Variants in PPFIBP1 observed in about 807,000 individuals in gnomAD.
PPFIBP1 encodes the protein PPFIB scaffold protein 1, also known as liprin-beta-1.
In PPFIBP1, 112 loss-of-function variants were observed where a neutral mutation model predicts 137.8. The ratio of observed to expected loss-of-function variants is 0.81; its 90% CI spans 0.70 to 0.95. PPFIBP1 has a LOEUF of 0.95. PPFIBP1 is among the 40% of genes least tolerant of loss of function. The pLI is 0.00. For missense variants in PPFIBP1, 1,083 were observed against 1,196.6 expected, an observed-to-expected ratio of 0.91 and a Z score of 1.40; for synonymous variants, 378 against 417.3, an observed-to-expected ratio of 0.91 and a Z score of 1.15.
intron 9 of PPFIBP1, chr12:27,656,962 A>G (rs1050933832): frequency 2.8e-5 from 11 of 392,854 alleles, no homozygotes; most frequent in Non-Finnish European, 4.2e-5. Flanking sequence ...TTTGGTGTTT[A>G]AGATTGCTAG....
chr12:27,549,648 A>T (rs1244671758), intron 1 of PPFIBP1, among the ~76,000 whole-genome samples: 1 of 151,850 alleles, frequency 6.6e-6, no homozygotes, highest in Admixed American at 6.6e-5. Flanking sequence ...GCCTGGAGAT[A>T]TGGGAAATAA....
chr12:27,681,322 C>T (rs541711805), intron 21 of PPFIBP1, among the ~76,000 whole-genome samples: 2 of 152,276 alleles, frequency 1.3e-5, no homozygotes, highest in South Asian at 4.1e-4. Context: ...TGCTCTATCA[C>T]GTTAAATCTT....
chr12:27,537,289 G>A (rs1370365082), intron 1 of PPFIBP1, among the ~76,000 whole-genome samples: 1 of 152,062 alleles, frequency 6.6e-6, no homozygotes, highest in Non-Finnish European at 1.5e-5. Context: ...CTGCCACCAC[G>A]TCCAGCTAAT....
chr12:27,537,457 T>A (rs1945163588), intron 1 of PPFIBP1, among the ~76,000 whole-genome samples: 1 of 152,092 alleles, frequency 6.6e-6, no homozygotes, highest in Non-Finnish European at 1.5e-5. Flanking sequence ...TGCACCTTAC[T>A]GCCAGACAAA....
At chr12:27,568,320 C>T (rs1234879802) in intron 1 of PPFIBP1, among the ~76,000 whole-genome samples, 1 of 152,178 alleles carries the variant, frequency 6.6e-6, no homozygotes, top group African/African-American at 2.4e-5. Context: ...TCAAAAAGTA[C>T]TGCTGTATTC....
intron 2 of PPFIBP1, chr12:27,593,602 C>G (rs1326312318): frequency 2.4e-6 from 1 of 420,508 alleles, no homozygotes; most frequent in East Asian, 5.7e-5. Flanking sequence ...TCTTCATTGT[C>G]TTTCAGATTT....
intron 1 of PPFIBP1, among the ~76,000 whole-genome samples, chr12:27,554,824 C>A (rs137939816): frequency 9.2e-5 from 14 of 152,052 alleles, no homozygotes; most frequent in South Asian, 8.3e-4. Flanking sequence ...TTGGAATGTT[C>A]CCAGTGTTGG....
intron 2 of PPFIBP1, among the ~76,000 whole-genome samples, chr12:27,607,170 C>T (rs577305428): frequency 6.6e-6 from 1 of 152,310 alleles, no homozygotes; most frequent in South Asian, 2.1e-4. Context: ...AAACAAAAGG[C>T]AATTTCTTTG....
intron 13 of PPFIBP1, among the ~76,000 whole-genome samples, chr12:27,670,277 A>G (rs2162030): frequency 1 from 152,133 of 152,360 alleles, 75,954 homozygotes; most frequent in Middle Eastern, 1. Context: ...GAGAAAATGT[A>G]TTATGCATTT....
chr12:27,644,125 G>C (rs549263859), intron 4 of PPFIBP1, among the ~76,000 whole-genome samples: 1 of 152,188 alleles, frequency 6.6e-6, no homozygotes, highest in South Asian at 2.1e-4. Context: ...TGCCCAGCCT[G>C]GAGTGCAGTG....
chr12:27,650,218 A>G (rs1468101658), intron 7 of PPFIBP1, 77 bp downstream of exon 7: 8 of 1,300,140 alleles, frequency 6.2e-6, no homozygotes, highest in Non-Finnish European at 8.3e-6. Context: ...ATACATTCCT[A>G]GGGCAAAGTT....
intron 15 of PPFIBP1, 68 bp from the exon 16 acceptor site, chr12:27,673,699 A>G: frequency 1.5e-6 from 2 of 1,366,960 alleles, no homozygotes; most frequent in African/African-American, 2.9e-5. Flanking sequence ...TTTCTTTCCA[A>G]GATGTTTTAC....
At chr12:27,642,630 GA>G (rs2058193726) in intron 4 of PPFIBP1, among the ~76,000 whole-genome samples, 1 of 152,176 alleles carries the variant, frequency 6.6e-6, no homozygotes, top group South Asian at 2.1e-4. Flanking sequence ...CGTAGATGGG[GA>G]AAGGAGAATG....
chr12:27,615,263 G>T (rs2055618109), intron 2 of PPFIBP1, among the ~76,000 whole-genome samples: 1 of 152,166 alleles, frequency 6.6e-6, no homozygotes, highest in African/African-American at 2.4e-5. Flanking sequence ...GTTTTCAGTA[G>T]GATGTTAAGA....
intron 2 of PPFIBP1, among the ~76,000 whole-genome samples, chr12:27,583,215 C>T (rs995623812): frequency 2.6e-5 from 4 of 152,150 alleles, no homozygotes; most frequent in Admixed American, 1.3e-4. Flanking sequence ...ACTTGGATGA[C>T]GGCTTTGTTC....
chr12:27,550,511 C>T (rs946052027), intron 1 of PPFIBP1, among the ~76,000 whole-genome samples: 2 of 152,076 alleles, frequency 1.3e-5, no homozygotes, highest in Non-Finnish European at 2.9e-5. Flanking sequence ...GTGCAAAATG[C>T]AATGGTGTTA....
intron 5 of PPFIBP1, 95 bp from the exon 6 acceptor site, chr12:27,647,634 G>A (rs2058612288): frequency 2.8e-6 from 2 of 709,292 alleles, no homozygotes; most frequent in African/African-American, 1.9e-5. Context: ...ATGAATGGTA[G>A]GATCATTCCT....
At chr12:27,685,864 A>C (rs919206344) in intron 24 of PPFIBP1, among the ~76,000 whole-genome samples, 9 of 152,256 alleles carry the variant, frequency 5.9e-5, no homozygotes, top group African/African-American at 2.2e-4. Context: ...CACAAATTTA[A>C]AATTATTTTA....
chr12:27,548,285 CAAGT>C (rs1290302453), intron 1 of PPFIBP1: 3 of 152,266 alleles, frequency 2.0e-5, no homozygotes, highest in East Asian at 3.9e-4. Flanking sequence ...AAAAGGCAAG[CAAGT>C]GAGTGAGGCA....
Sources: gnomAD v4.1 joint callset for allele counts (sites outside exome capture counted in the v4.1 genomes callset) on GRCh38, gnomAD v4.1.1 for gene constraint, MANE v1.5 for transcripts, NCBI Gene and HGNC (gene_info 2026-07-23, HGNC 2026-07-21) for gene names.